Variants in MMP16 observed in about 807,000 individuals in gnomAD.
MMP16 encodes the protein matrix metalloproteinase-16.
MMP16 carries 12 observed loss-of-function variants against 67.8 expected under a neutral mutation model. The ratio of observed to expected loss-of-function variants is 0.18; its 90% CI spans 0.11 to 0.29. The LOEUF is 0.29. Among genes scored for constraint, MMP16 ranks in the 10% least tolerant of loss-of-function variants. MMP16 has a pLI of 1.00. For missense variants in MMP16, 475 were observed against 765.7 expected (o/e 0.62, Z 4.48); for synonymous variants, 249 against 255.9 (o/e 0.97, Z 0.26).
At chr8:88,259,228 G>A (rs1810350072) in intron 1 of MMP16, among the ~76,000 whole-genome samples, 1 of 152,144 alleles carries the variant, frequency 6.6e-6, no homozygotes, top group Admixed American at 6.5e-5. Flanking sequence ...TAACTATCTA[G>A]ATACTTTCTA....
chr8:88,191,626 G>A (rs969153141), intron 2 of MMP16, among the ~76,000 whole-genome samples: 12 of 152,038 alleles, frequency 7.9e-5, no homozygotes, highest in African/African-American at 2.9e-4. Context: ...TGTAAATAAA[G>A]TAGCCAGAAG....
At chr8:88,129,409 A>G (rs1239833572) in intron 4 of MMP16, among the ~76,000 whole-genome samples, 1 of 151,720 alleles carries the variant, frequency 6.6e-6, no homozygotes, top group East Asian at 1.9e-4. Context: ...GTTTGTACAG[A>G]GATTAAAAAC....
At chr8:88,086,556 T>C (rs1476041942) in intron 6 of MMP16, among the ~76,000 whole-genome samples, 21 of 151,906 alleles carry the variant, frequency 1.4e-4, no homozygotes, top group Admixed American at 1.4e-3. Context: ...CTCTATAAAA[T>C]GGGAACTACC....
intron 2 of MMP16, among the ~76,000 whole-genome samples, chr8:88,188,654 A>AT (rs1296976552): frequency 2.6e-3 from 365 of 141,330 alleles, no homozygotes; most frequent in Middle Eastern, 3.7e-3. Context: ...CAAAGAACAG[A>AT]TTTTTTTTTT....
At chr8:88,268,868 C>G (rs894820873) in intron 1 of MMP16, among the ~76,000 whole-genome samples, 18 of 152,118 alleles carry the variant, frequency 1.2e-4, no homozygotes, top group Admixed American at 8.5e-4. Context: ...TCCATTCTCT[C>G]CATTCCCAGT....
intron 4 of MMP16, among the ~76,000 whole-genome samples, chr8:88,123,753 C>T (rs900875116): frequency 3.3e-5 from 5 of 151,776 alleles, no homozygotes; most frequent in Non-Finnish European, 7.4e-5. Flanking sequence ...GCACAGGTCA[C>T]CTAAAAAGAG....
intron 7 of MMP16, chr8:88,069,528 A>G (rs768819087): frequency 2.1e-5 from 11 of 524,718 alleles, no homozygotes; most frequent in African/African-American, 9.8e-5. Flanking sequence ...CTTCACTGCA[A>G]AGGAAAGGTT....
chr8:88,104,505 G>T (rs1809202238), intron 6 of MMP16, among the ~76,000 whole-genome samples: 1 of 151,554 alleles, frequency 6.6e-6, no homozygotes, highest in Admixed American at 6.6e-5. Flanking sequence ...TAACGTCATA[G>T]TGCAATGCAT....
At chr8:88,085,474 T>A (rs527280731) in intron 6 of MMP16, among the ~76,000 whole-genome samples, 1 of 152,172 alleles carries the variant, frequency 6.6e-6, no homozygotes, top group South Asian at 2.1e-4. Context: ...CACTTAAGAT[T>A]GACCAGATGT....
intron 1 of MMP16, among the ~76,000 whole-genome samples, chr8:88,234,739 G>A (rs1255430308): frequency 6.6e-6 from 1 of 152,222 alleles, no homozygotes; most frequent in Non-Finnish European, 1.5e-5. Context: ...AAGCAGGGCA[G>A]TCAAAAAAGG....
At chr8:88,168,309 T>C (rs1182249408) in intron 3 of MMP16, among the ~76,000 whole-genome samples, 2 of 152,172 alleles carry the variant, frequency 1.3e-5, no homozygotes, top group African/African-American at 4.8e-5. Context: ...AGTTTGGAGC[T>C]GAAATAAAAA....
intron 1 of MMP16, among the ~76,000 whole-genome samples, chr8:88,306,523 A>T (rs975184268): frequency 6.6e-6 from 1 of 152,166 alleles, no homozygotes; most frequent in African/African-American, 2.4e-5. Flanking sequence ...GGATGTAAAA[A>T]TCCTCAGTAA....
At chr8:88,103,473 G>T (rs2118385909) in intron 6 of MMP16, among the ~76,000 whole-genome samples, 1 of 151,958 alleles carries the variant, frequency 6.6e-6, no homozygotes, top group East Asian at 2.0e-4. Context: ...CTTCCTGAGA[G>T]TAAGGAACGT....
chr8:88,121,004 C>T (rs1489372141), intron 4 of MMP16, among the ~76,000 whole-genome samples: 1 of 151,484 alleles, frequency 6.6e-6, no homozygotes, highest in Non-Finnish European at 1.5e-5. Context: ...AAAATTTTGG[C>T]TAGGAGCCTA....
chr8:88,059,383 C>A (rs1452805464), intron 7 of MMP16, among the ~76,000 whole-genome samples: 1 of 152,010 alleles, frequency 6.6e-6, no homozygotes, highest in African/African-American at 2.4e-5. Flanking sequence ...AAAGTGTAGT[C>A]ATAAATGACT....
chr8:88,082,442 A>G (rs745943217), intron 6 of MMP16, among the ~76,000 whole-genome samples: 16 of 151,962 alleles, frequency 1.1e-4, no homozygotes, highest in Non-Finnish European at 2.1e-4. Flanking sequence ...TTAAGATACA[A>G]CCTCCCAAAT....
intron 1 of MMP16, among the ~76,000 whole-genome samples, chr8:88,311,002 A>C (rs1450476569): frequency 6.6e-6 from 1 of 152,160 alleles, no homozygotes; most frequent in Non-Finnish European, 1.5e-5. Context: ...AGTCTTGCAT[A>C]CAGATGCCGC....
At chr8:88,309,025 G>T (rs1811254959) in intron 1 of MMP16, among the ~76,000 whole-genome samples, 1 of 151,898 alleles carries the variant, frequency 6.6e-6, no homozygotes, top group Admixed American at 6.6e-5. Flanking sequence ...AAACTTAAAA[G>T]CACTGGCAAG....
intron 1 of MMP16, among the ~76,000 whole-genome samples, chr8:88,221,984 C>G (rs752993554): frequency 2.0e-5 from 3 of 151,886 alleles, no homozygotes; most frequent in Non-Finnish European, 2.9e-5. Context: ...TTTTTATATA[C>G]TTGTTCATTT....
Sources: allele counts gnomAD v4.1 joint callset (sites outside exome capture counted in the v4.1 genomes callset), GRCh38; gene constraint gnomAD v4.1.1; transcripts MANE v1.5; gene names NCBI Gene and HGNC (gene_info 2026-07-23, HGNC 2026-07-21).